Variants in GABRB3 observed in about 807,000 individuals in gnomAD.
GABRB3 encodes the protein gamma-aminobutyric acid receptor subunit beta-3.
GABRB3 carries 14 observed loss-of-function variants against 52.1 expected under a neutral mutation model. That is an observed-to-expected ratio of 0.27 (90% confidence interval 0.18 to 0.42). The LOEUF (loss-of-function observed/expected upper bound fraction) is 0.42, where lower values mean the gene tolerates loss of function less well. GABRB3 is among the 10% of genes least tolerant of loss of function. The pLI is 1.00. For synonymous variants in GABRB3, 260 were observed against 232.3 expected (o/e 1.12, Z -1.08); for missense variants, 307 against 609.1 (o/e 0.50, Z 5.22).
chr15:26,651,422 T>A (rs538711079), intron 3 of GABRB3, among the ~76,000 whole-genome samples: 65 of 152,356 alleles, frequency 4.3e-4, no homozygotes, highest in African/African-American at 1.4e-3. Context: ...AGCTACTTGC[T>A]GATAAAAACC....
rs139382220 is a variant in GABRB3 at position 26,581,753 on chromosome 15, C to A, written c.545-1297G>T. On this transcript the variant is annotated intron_variant, in intron 5 of 8. Transcript: ENST00000311550. ...GCTGAAATAAAACCTTTTGCAGAAG[C>A]CTTCCCTGGCATTCCATCTCACAGG... 1.0e-3 allele frequency among the ~76,000 whole-genome samples: 153 copies of A among 152,312 alleles called. 1 individual carries two copies. The highest frequency in any genetic ancestry group is 3.5e-3 in the African/African-American group (146 of 41,578).
intron 3 of GABRB3, among the ~76,000 whole-genome samples, chr15:26,725,931 C>G (rs757955350): frequency 1.3e-5 from 2 of 152,156 alleles, no homozygotes; most frequent in Non-Finnish European, 2.9e-5. Context: ...GCATCACCAC[C>G]AAAAAACACA....
chr15:26,555,818 T>C (rs1889730623), intron 8 of GABRB3, among the ~76,000 whole-genome samples: 1 of 152,216 alleles, frequency 6.6e-6, no homozygotes, highest in Admixed American at 6.5e-5. Flanking sequence ...TGTTAAATAG[T>C]TTGGCTGCTT....
At chr15:26,594,044 G>A (rs989393794) in intron 4 of GABRB3, among the ~76,000 whole-genome samples, 1 of 145,506 alleles carries the variant, frequency 6.9e-6, no homozygotes, top group African/African-American at 2.5e-5. Context: ...TCTCATTGTG[G>A]TTTAAGGAAA....
intron 3 of GABRB3, among the ~76,000 whole-genome samples, chr15:26,646,700 C>T (rs1887018435): frequency 6.6e-6 from 1 of 152,178 alleles, no homozygotes; most frequent in African/African-American, 2.4e-5. Context: ...ACATTCTCAT[C>T]AACACTTATT....
intron 7 of GABRB3, among the ~76,000 whole-genome samples, chr15:26,561,930 G>A (rs747365279): frequency 1.4e-4 from 22 of 152,174 alleles, no homozygotes; most frequent in Admixed American, 2.6e-4. Flanking sequence ...ATACTCTGGC[G>A]CAACTCATCA....
At chr15:26,677,204 G>A (rs1268509885) in intron 3 of GABRB3, among the ~76,000 whole-genome samples, 2 of 152,176 alleles carry the variant, frequency 1.3e-5, no homozygotes, top group African/African-American at 4.8e-5. Context: ...TTCAGAGGTA[G>A]GAAGGCTGTT....
intron 3 of GABRB3, among the ~76,000 whole-genome samples, chr15:26,759,943 A>G (rs567615288): frequency 1.4e-3 from 208 of 152,362 alleles, no homozygotes; most frequent in African/African-American, 4.6e-3. Flanking sequence ...TTATTCACAA[A>G]CTAATAATTC....
At chr15:26,590,624 C>T (rs888537970) in intron 4 of GABRB3, among the ~76,000 whole-genome samples, 1 of 152,152 alleles carries the variant, frequency 6.6e-6, no homozygotes, top group African/African-American at 2.4e-5. Context: ...GGACATAGGC[C>T]AATGTTTCGT....
intron 3 of GABRB3, among the ~76,000 whole-genome samples, chr15:26,752,034 T>A (rs540681659): frequency 4.2e-4 from 64 of 152,186 alleles, no homozygotes; most frequent in Admixed American, 1.0e-3. Context: ...TTTAAAACAT[T>A]TTTTAAAAGT....
intron 4 of GABRB3, among the ~76,000 whole-genome samples, chr15:26,603,136 TA>T (rs1367618280): frequency 6.6e-6 from 1 of 152,064 alleles, no homozygotes; most frequent in Non-Finnish European, 1.5e-5. Flanking sequence ...TATAAGCAAC[TA>T]TTTACCAATA....
chr15:26,577,792 C>T (rs946692889), intron 6 of GABRB3, among the ~76,000 whole-genome samples: 1 of 152,168 alleles, frequency 6.6e-6, no homozygotes, highest in East Asian at 1.9e-4. Flanking sequence ...TTTTCTAGCT[C>T]CCCCCAACAC....
intron 8 of GABRB3, among the ~76,000 whole-genome samples, chr15:26,559,829 C>A (rs1000874419): frequency 2.0e-5 from 3 of 152,142 alleles, no homozygotes; most frequent in Non-Finnish European, 4.4e-5. Context: ...CCAACCCTGG[C>A]TTTTTGCAGA....
chr15:26,743,145 G>A (rs1332230260), intron 3 of GABRB3, among the ~76,000 whole-genome samples: 3 of 152,026 alleles, frequency 2.0e-5, no homozygotes, highest in African/African-American at 7.2e-5. Flanking sequence ...GGTCAGGCTG[G>A]TCTCAAACTC....
chr15:26,711,538 T>A (rs1451848085), intron 3 of GABRB3, among the ~76,000 whole-genome samples: 1 of 152,196 alleles, frequency 6.6e-6, no homozygotes, highest in Admixed American at 6.5e-5. Context: ...TGAGAGTGAT[T>A]TTGACTGGCT....
rs182437334 is a variant in GABRB3 at position 26,625,187 on chromosome 15, C to T, written c.241-3653G>A. On this transcript the variant is annotated intron_variant, in intron 3 of 8. Transcript: ENST00000311550. Reference sequence around the variant, plus strand: ...TCCAAGGGATGGGAGCTAAACAGTTCCTCACAATAAAGTGGAGTGAGCTTG... The same window carrying T: ...TCCAAGGGATGGGAGCTAAACAGTTTCTCACAATAAAGTGGAGTGAGCTTG... 1.2e-4 allele frequency among the ~76,000 whole-genome samples: 18 copies of T among 152,136 alleles called. No homozygotes were observed. The East Asian group carries it at 3.3e-3, about 28-fold the overall frequency.
intron 3 of GABRB3, among the ~76,000 whole-genome samples, chr15:26,652,342 G>A (rs974263054): frequency 1.4e-4 from 22 of 152,248 alleles, no homozygotes; most frequent in African/African-American, 5.3e-4. Context: ...TAACTTAACG[G>A]CCTCAGGAGC....
At chr15:26,577,510 C>G (rs1890636599) in intron 6 of GABRB3, among the ~76,000 whole-genome samples, 1 of 151,986 alleles carries the variant, frequency 6.6e-6, no homozygotes. Flanking sequence ...GAGACTTTGT[C>G]TGAAAAAAAC....
At chr15:26,724,465 G>A (rs1670227439) in intron 3 of GABRB3, among the ~76,000 whole-genome samples, 1 of 152,122 alleles carries the variant, frequency 6.6e-6, no homozygotes, top group South Asian at 2.1e-4. Flanking sequence ...CCTTTTGAAA[G>A]ACTCCACCGA....
Sources: allele counts gnomAD v4.1 joint callset (sites outside exome capture counted in the v4.1 genomes callset), GRCh38; gene constraint gnomAD v4.1.1; transcripts MANE v1.5; gene names NCBI Gene and HGNC (gene_info 2026-07-23, HGNC 2026-07-21).